The following SCML4 variants were observed in gnomAD, a reference collection of about 807,000 sequenced individuals.
The protein encoded by SCML4 is sex comb on midleg-like protein 4.
In SCML4, 34 loss-of-function variants were observed where a neutral mutation model predicts 41.1. The observed-to-expected ratio is 0.83, with a 90% CI of 0.63 to 1.10. The LOEUF is 1.10. Ranked by LOEUF, SCML4 falls within the 50% of genes least tolerant of loss-of-function variation. The probability of loss-of-function intolerance (pLI) is 0.00; values close to 1 mark genes in which losing one functional copy is unlikely to be tolerated. For missense variants in SCML4, 522 were observed against 534.1 expected (o/e 0.98, Z 0.22); for synonymous variants, 214 against 220.9 (o/e 0.97, Z 0.28).
chr6:107,737,473 A>G (rs1403055391), intron 5 of SCML4, among the ~76,000 whole-genome samples: 1 of 152,096 alleles, frequency 6.6e-6, no homozygotes, highest in East Asian at 1.9e-4. Context: ...CTTCCCTTCC[A>G]GCCCACAAAA....
chr6:107,720,948 A>G lies in SCML4; in HGVS notation c.728T>C (p.Met243Thr), dbSNP rs1233218473. The change falls in exon 6 of 8, where the codon ATG (methionine) becomes ACG (threonine). Residue 243 changes from methionine (M) to threonine (T), a missense_variant. Physicochemically the swap from Met to Thr is moderately conservative, Grantham distance 81. Coordinates refer to ENST00000369020, the MANE Select transcript of SCML4 (RefSeq NM_198081.5). ...TEEYLVNPVG[M>T]NRYSVDTSAS... is the part of the protein sequence containing the mutation. The stretch of plus-strand genomic sequence containing the variant: ...GGAGGTGTCCACGCTGTAGCGGTTC[A>G]TGCCCACAGGGTTCACCAGGTACTC... The G allele has an allele frequency of 1.9e-6, 3 of 1,613,734 alleles. No homozygotes were observed.
chr6:107,790,130 C>G (rs1369878099), intron 1 of SCML4, among the ~76,000 whole-genome samples: 1 of 152,094 alleles, frequency 6.6e-6, no homozygotes. Context: ...CATCTCCCAG[C>G]GCTTCTGTTT....
At chr6:107,737,632 T>C (rs1331355483) in intron 5 of SCML4, among the ~76,000 whole-genome samples, 1 of 151,894 alleles carries the variant, frequency 6.6e-6, no homozygotes, top group East Asian at 1.9e-4. Flanking sequence ...ACTCTATCAC[T>C]CAGGGTGTGG....
intron 1 of SCML4, among the ~76,000 whole-genome samples, chr6:107,805,759 A>C (rs1047865552): frequency 1.3e-5 from 2 of 152,354 alleles, no homozygotes; most frequent in Middle Eastern, 3.4e-3. Flanking sequence ...ATAGGCCCTC[A>C]GATCTAAGAG....
chr6:107,719,862 A>G (rs1775194607), intron 6 of SCML4: 1 of 981,706 alleles, frequency 1.0e-6, no homozygotes, highest in African/African-American at 1.7e-5. Context: ...GTGATTATCC[A>G]CTATACTCTA....
chr6:107,839,673 A>G, the SCML4 span, among the ~76,000 whole-genome samples: 7 of 152,200 alleles, frequency 4.6e-5, no homozygotes, highest in Admixed American at 4.6e-4. Flanking sequence ...AATGTGGAAG[A>G]CACAAAAAAG....
At chr6:107,739,597 T>A (rs80227112) in intron 5 of SCML4, among the ~76,000 whole-genome samples, 1 of 152,104 alleles carries the variant, frequency 6.6e-6, no homozygotes, top group Non-Finnish European at 1.5e-5. Context: ...CCCATGACCT[T>A]ACAATCCTGT....
At chr6:107,707,724 C>A in intron 7 of SCML4, 142 bp downstream of exon 7, 1 of 935,000 alleles carries the variant, frequency 1.1e-6, no homozygotes, top group Non-Finnish European at 1.6e-6. Context: ...ATCTCTGGCT[C>A]CCTTGAGGGT....
chr6:107,779,647 A>G (rs1262292637), intron 1 of SCML4, among the ~76,000 whole-genome samples: 4 of 152,204 alleles, frequency 2.6e-5, no homozygotes, highest in African/African-American at 9.7e-5. Flanking sequence ...TCGAAAACAC[A>G]ACCCTATCTT....
Position 107,705,269 on chromosome 6 carries a change from C to T in SCML4, c.1176G>A (p.Leu392=). The T allele has an allele frequency of 6.4e-7, 1 of 1,551,432 alleles. No homozygotes were observed. The highest frequency in any genetic ancestry group is 8.7e-7 in the Non-Finnish European group (1 of 1,146,604). Residue 392 remains leucine (L), a synonymous_variant, in exon 8 of 8, where the codon CTG becomes CTA. Coordinates refer to ENST00000369020, the MANE Select transcript of SCML4 (RefSeq NM_198081.5). ...LLKSDMVMKY[L]GLKLGPALKL... is the part of the protein sequence containing the mutation. ...TCAGTGCAGGTCCCAGCTTCAGGCC[C>T]AGGTACTTCATGACCATGTCACTCT...
chr6:107,824,411 A>G (rs1785160665), upstream of SCML4: 1 of 151,510 alleles, frequency 6.6e-6, no homozygotes, highest in African/African-American at 2.4e-5. Context: ...AAACCAGCCA[A>G]CCACTGGCTT....
At chr6:107,753,580 T>C (rs139458232) in intron 2 of SCML4, among the ~76,000 whole-genome samples, 16 of 152,324 alleles carry the variant, frequency 1.1e-4, no homozygotes, top group African/African-American at 3.8e-4. Context: ...ACTATTGAGT[T>C]TTATGGCAAA....
At chr6:107,773,589 C>CAAAAA (rs5878938) in intron 1 of SCML4, among the ~76,000 whole-genome samples, 11 of 76,928 alleles carry the variant, frequency 1.4e-4, no homozygotes, top group African/African-American at 4.4e-4. Flanking sequence ...AAGACTGTCT[C>CAAAAA]AAAAAAAAAA....
intron 2 of SCML4, among the ~76,000 whole-genome samples, chr6:107,761,200 T>C (rs1779559675): frequency 6.6e-6 from 1 of 152,192 alleles, no homozygotes; most frequent in Non-Finnish European, 1.5e-5. Context: ...CAGAGAATTT[T>C]CCAGAACTGA....
intron 1 of SCML4, among the ~76,000 whole-genome samples, chr6:107,790,518 G>A (rs193026262): frequency 4.9e-4 from 75 of 152,186 alleles, no homozygotes; most frequent in Non-Finnish European, 8.8e-4. Context: ...TCTCCCCTTC[G>A]CAAAGGTCTC....
intron 5 of SCML4, among the ~76,000 whole-genome samples, chr6:107,737,608 G>A (rs1344787669): frequency 6.6e-6 from 1 of 152,010 alleles, no homozygotes; most frequent in Non-Finnish European, 1.5e-5. Context: ...GCAGGACTCT[G>A]CCAGCCCACC....
chr6:107,761,442 G>T (rs1779582024), intron 2 of SCML4, among the ~76,000 whole-genome samples: 1 of 20,098 alleles, frequency 5.0e-5, no homozygotes, highest in South Asian at 4.1e-3. Context: ...AATATCTTTG[G>T]TTTTTTTTTT....
chr6:107,845,795 T>G, the SCML4 span, among the ~76,000 whole-genome samples: 1 of 152,194 alleles, frequency 6.6e-6, no homozygotes, highest in East Asian at 1.9e-4. Flanking sequence ...CTATGAACAT[T>G]TACTACACGT....
chr6:107,755,592 G>C lies in SCML4; in HGVS notation c.157-5779C>G, dbSNP rs751051163. 8.2e-6 allele frequency: 11 copies of C among 1,346,608 alleles called. No individual in the cohort carries two copies. The Admixed American group carries it at 1.2e-4, about 15-fold the overall frequency. The allele number at this position is 1,346,608 out of a possible 1,614,324, so 83.4% of individuals were successfully genotyped here. On this transcript the variant is annotated intron_variant, in intron 2 of 7. Coordinates refer to ENST00000369020, the MANE Select transcript of SCML4 (RefSeq NM_198081.5). The stretch of plus-strand genomic sequence containing the variant: ...AAACCTCTCTCCAGTGGAATGGGGG[G>C]GTTCTCTGCCTGTCGCAACCTATCC...
Sources: allele counts gnomAD v4.1 joint callset (sites outside exome capture counted in the v4.1 genomes callset), GRCh38; gene constraint gnomAD v4.1.1; transcripts MANE v1.5; gene names NCBI Gene and HGNC (gene_info 2026-07-23, HGNC 2026-07-21).